OXR1: variants seen among roughly 807,000 people sequenced by gnomAD.
OXR1 encodes the protein oxidation resistance 1.
A neutral mutation model predicts 104.6 loss-of-function variants in OXR1; 41 were observed. That is an observed-to-expected ratio of 0.39 (90% CI 0.31 to 0.51). The LOEUF (loss-of-function observed/expected upper bound fraction) is 0.51. Among genes scored for constraint, OXR1 ranks in the 20% least tolerant of loss-of-function variants. The pLI is 0.77. For missense variants in OXR1, 955 were observed against 1,031.9 expected, an observed-to-expected ratio of 0.93 and a Z score of 1.02; for synonymous variants, 348 against 348.4, an observed-to-expected ratio of 1.00 and a Z score of 0.01.
intron 15 of OXR1, among the ~76,000 whole-genome samples, chr8:106,743,016 A>G (rs1835050925): frequency 6.6e-6 from 1 of 152,212 alleles, no homozygotes; most frequent in African/African-American, 2.4e-5. Context: ...AGCCTACAGA[A>G]TAGGAGAAAA....
intron 11 of OXR1, chr8:106,720,871 G>C (rs1832766457): frequency 6.4e-6 from 1 of 155,292 alleles, no homozygotes; most frequent in Admixed American, 6.5e-5. Context: ...ACCACAATAA[G>C]CTCAGATTCA....
At chr8:106,482,989 C>T (rs1269212495) in intron 2 of OXR1, among the ~76,000 whole-genome samples, 2 of 151,968 alleles carry the variant, frequency 1.3e-5, no homozygotes, top group Non-Finnish European at 2.9e-5. Context: ...TGTGAAAGTG[C>T]TTTGAAAATT....
chr8:106,459,593 A>G (rs764739056), intron 2 of OXR1, among the ~76,000 whole-genome samples: 29 of 152,212 alleles, frequency 1.9e-4, no homozygotes, highest in Non-Finnish European at 3.8e-4. Context: ...ACAGGTTAGG[A>G]AAAATCTTCT....
At chr8:106,658,764 A>C (rs1825440615) in intron 3 of OXR1, among the ~76,000 whole-genome samples, 1 of 151,616 alleles carries the variant, frequency 6.6e-6, no homozygotes, top group African/African-American at 2.4e-5. Flanking sequence ...GAACCTAGAA[A>C]CTTTCTCAGT....
intron 2 of OXR1, among the ~76,000 whole-genome samples, chr8:106,400,095 T>C (rs1817941161): frequency 6.6e-6 from 1 of 152,192 alleles, no homozygotes; most frequent in South Asian, 2.1e-4. Flanking sequence ...TCACTTTTTT[T>C]CCTGAATCAT....
intron 2 of OXR1, among the ~76,000 whole-genome samples, chr8:106,420,204 GC>G (rs1818847740): frequency 6.6e-6 from 1 of 152,040 alleles, no homozygotes; most frequent in Non-Finnish European, 1.5e-5. Flanking sequence ...GAAAGTTATA[GC>G]ATTTGTTAAA....
chr8:106,422,490 A>G (rs1012340136), intron 2 of OXR1, among the ~76,000 whole-genome samples: 1 of 151,620 alleles, frequency 6.6e-6, no homozygotes, highest in Non-Finnish European at 1.5e-5. Context: ...ATTATTCATT[A>G]TACTAAATAA....
chr8:106,339,191 AT>A (rs1815091727), intron 1 of OXR1, among the ~76,000 whole-genome samples: 1 of 151,962 alleles, frequency 6.6e-6, no homozygotes, highest in Non-Finnish European at 1.5e-5. Context: ...TCAGCTATAA[AT>A]ATTGATAAAT....
intron 3 of OXR1, among the ~76,000 whole-genome samples, chr8:106,662,637 G>A (rs1378688084): frequency 6.6e-6 from 1 of 152,154 alleles, no homozygotes; most frequent in Non-Finnish European, 1.5e-5. Context: ...CATTTTACTG[G>A]TGAGGGTACT....
chr8:106,742,172 T>C (rs1834972767), intron 14 of OXR1, 50 bp from the exon 15 acceptor site: 1 of 990,958 alleles, frequency 1.0e-6, no homozygotes, highest in Non-Finnish European at 1.6e-6. Context: ...TAATGCTTAC[T>C]GGAATAAATT....
chr8:106,411,142 T>C (rs1262430423), intron 2 of OXR1, among the ~76,000 whole-genome samples: 1 of 152,172 alleles, frequency 6.6e-6, no homozygotes, highest in Admixed American at 6.6e-5. Context: ...ATAGAGAATT[T>C]GATCTAGTGT....
At chr8:106,573,098 C>A (rs1016904602) in intron 3 of OXR1, among the ~76,000 whole-genome samples, 3 of 152,134 alleles carry the variant, frequency 2.0e-5, no homozygotes, top group African/African-American at 4.8e-5. Flanking sequence ...CCAGCTCAAG[C>A]AGTCAGGCAA....
chr8:106,454,690 G>A (rs968713458), intron 2 of OXR1, among the ~76,000 whole-genome samples: 5 of 151,888 alleles, frequency 3.3e-5, no homozygotes, highest in East Asian at 1.9e-4. Context: ...TGTCTTATTC[G>A]TGGAATCAAT....
chr8:106,646,195 C>T (rs1037513939), intron 3 of OXR1, among the ~76,000 whole-genome samples: 3 of 151,804 alleles, frequency 2.0e-5, no homozygotes, highest in Non-Finnish European at 2.9e-5. Flanking sequence ...AACCTCCGCC[C>T]CCCAAGTTCA....
chr8:106,485,603 A>G (rs1049203826), intron 2 of OXR1, among the ~76,000 whole-genome samples: 3 of 152,144 alleles, frequency 2.0e-5, no homozygotes, highest in African/African-American at 7.2e-5. Context: ...CATATGGTCC[A>G]GCAATCTCAT....
chr8:106,739,675 C>T (rs908453602), intron 13 of OXR1, 92 bp downstream of exon 13: 18 of 1,189,692 alleles, frequency 1.5e-5, no homozygotes, highest in African/African-American at 1.1e-4. Flanking sequence ...GAAGCAACAG[C>T]GTTAATGCTA....
At position 106,448,010 on chromosome 8, in the gene OXR1, TG is replaced by T. The variant is rs147472285; in HGVS notation, c.24-70932del. 0.021 allele frequency: 31,905 copies of T among 1,535,634 alleles called. 5,760 individuals carry two copies. The African/African-American group carries it at 0.39, about 19-fold the overall frequency. ...CCACACAGCTATAAGGTTGCCTGCC[TG>T]CCTGCACAGAAATGACGAAGGACAA... On this transcript the variant is annotated intron_variant, in intron 2 of 16. Coordinates refer to ENST00000517566, the MANE Select transcript of OXR1 (RefSeq NM_001198533.2).
chr8:106,588,433 A>G (rs1818818467), intron 3 of OXR1, among the ~76,000 whole-genome samples: 2 of 152,136 alleles, frequency 1.3e-5, no homozygotes, highest in South Asian at 2.1e-4. Context: ...GCAAGGAGGA[A>G]AATGTTCATT....
At chr8:106,349,822 G>C (rs1434395683) in intron 1 of OXR1, among the ~76,000 whole-genome samples, 1 of 152,148 alleles carries the variant, frequency 6.6e-6, no homozygotes, top group Non-Finnish European at 1.5e-5. Context: ...ATGAGCTATA[G>C]AGGCACAGGT....
Sources: allele counts gnomAD v4.1 joint callset (sites outside exome capture counted in the v4.1 genomes callset), GRCh38; gene constraint gnomAD v4.1.1; transcripts MANE v1.5; gene names NCBI Gene and HGNC (gene_info 2026-07-23, HGNC 2026-07-21).